The following MACROD1 variants were observed in gnomAD, a reference collection of about 807,000 sequenced individuals.
MACROD1 encodes the protein mono-ADP ribosylhydrolase 1, also known as ADP-ribose glycohydrolase MACROD1.
Under a neutral mutation model 41.4 loss-of-function variants are expected in MACROD1, and 31 were observed. That is an observed-to-expected ratio of 0.75 (90% CI 0.56 to 1.01). The LOEUF (loss-of-function observed/expected upper bound fraction) is 1.01, where lower values mean the gene tolerates loss of function less well. Among genes scored for constraint, MACROD1 ranks in the 50% least tolerant of loss-of-function variants. The probability of loss-of-function intolerance (pLI) is 0.00; values close to 1 mark genes in which losing one functional copy is unlikely to be tolerated. For missense variants in MACROD1, 473 were observed against 460.0 expected (o/e 1.03, Z -0.26); for synonymous variants, 252 against 203.4 (o/e 1.24, Z -2.03).
Position 64,081,408 on chromosome 11 carries a change from A to G in MACROD1, c.518-66127T>C, listed in dbSNP as rs60640761. Among the ~76,000 whole-genome samples the G allele has an allele frequency of 4.6e-3, 708 of 152,316 alleles. 22 individuals carry two copies. The East Asian group carries it at 0.066, about 14-fold the overall frequency. On this transcript the variant is annotated intron_variant, in intron 3 of 10. Coordinates refer to ENST00000255681, the MANE Select transcript of MACROD1 (RefSeq NM_014067.4). Reference sequence around the variant, plus strand: ...TGGGCGTGCTCAGGGACGTTACAACAGCACTGTGGTCCTGGGACCTGTCCC... The same window carrying G: ...TGGGCGTGCTCAGGGACGTTACAACGGCACTGTGGTCCTGGGACCTGTCCC...
At chr11:64,139,012 C>A (rs999024801) in intron 3 of MACROD1, among the ~76,000 whole-genome samples, 1 of 152,164 alleles carries the variant, frequency 6.6e-6, no homozygotes, top group African/African-American at 2.4e-5. Flanking sequence ...GGTGATCCAC[C>A]CACCTTGGCC....
At chr11:64,035,864 T>TGGTCCCCGCCCCGCCGCC (rs1943368575) in intron 3 of MACROD1, 1 of 145,226 alleles carries the variant, frequency 6.9e-6, no homozygotes, top group Admixed American at 6.9e-5. Context: ...GCACCGCCGC[T>TGGTCCCCGCCCCGCCGCC]GGTCCCCGCC....
intron 3 of MACROD1, among the ~76,000 whole-genome samples, chr11:64,047,897 CAA>C (rs35010371): frequency 1.5e-4 from 13 of 89,128 alleles, no homozygotes; most frequent in Admixed American, 5.0e-4. Context: ...AACTCCGTCT[CAA>C]AAAAAAAAAA....
chr11:64,060,586 A>G (rs1943880480), intron 3 of MACROD1: 1 of 152,180 alleles, frequency 6.6e-6, no homozygotes. Flanking sequence ...GTGGCCTCCC[A>G]TGCGCGCACA....
At chr11:64,116,908 C>T in intron 3 of MACROD1, 2 of 1,611,480 alleles carry the variant, frequency 1.2e-6, no homozygotes, top group Non-Finnish European at 1.7e-6. Context: ...TCCACCATCC[C>T]GCTGCATGCC....
At chr11:64,165,266 T>G (rs1002274378) in intron 1 of MACROD1, among the ~76,000 whole-genome samples, 1 of 152,196 alleles carries the variant, frequency 6.6e-6, no homozygotes, top group Non-Finnish European at 1.5e-5. Flanking sequence ...AACCACACTG[T>G]GCAAAGTTTG....
chr11:64,086,343 C>T (rs1376802169), intron 3 of MACROD1, among the ~76,000 whole-genome samples: 6 of 152,004 alleles, frequency 3.9e-5, no homozygotes, highest in African/African-American at 1.5e-4. Context: ...AGTTCTAAGA[C>T]CTGTGAATCT....
chr11:64,119,502 G>A (rs1398456268), intron 3 of MACROD1, among the ~76,000 whole-genome samples: 1 of 148,376 alleles, frequency 6.7e-6, no homozygotes, highest in Non-Finnish European at 1.5e-5. Context: ...CCTAGGACGG[G>A]TAATTAGCGC....
intron 3 of MACROD1, among the ~76,000 whole-genome samples, chr11:64,111,848 T>G (rs1239125599): frequency 6.6e-6 from 1 of 152,188 alleles, no homozygotes; most frequent in Non-Finnish European, 1.5e-5. Context: ...CAGAGCAGCC[T>G]GGGATGGCCC....
intron 3 of MACROD1, among the ~76,000 whole-genome samples, chr11:64,053,999 C>G (rs1943740277): frequency 6.6e-6 from 1 of 152,182 alleles, no homozygotes; most frequent in Non-Finnish European, 1.5e-5. Flanking sequence ...GCACTGTGAT[C>G]TAGTTGACTC....
At chr11:64,109,837 C>T (rs940122324) in intron 3 of MACROD1, among the ~76,000 whole-genome samples, 6 of 152,212 alleles carry the variant, frequency 3.9e-5, no homozygotes, top group Admixed American at 2.6e-4. Flanking sequence ...ACCTCAGCTT[C>T]ACAGAGGCTG....
chr11:64,067,715 C>T lies in MACROD1; in HGVS notation c.518-52434G>A, dbSNP rs997111148. Reference sequence around the variant, plus strand: ...CTGCCTGCAGTGATTGCGGACACGCCCCTCGCGAGGCACCGCAGGCTGCCA... The same window carrying T: ...CTGCCTGCAGTGATTGCGGACACGCTCCTCGCGAGGCACCGCAGGCTGCCA... On this transcript the variant is annotated intron_variant, in intron 3 of 10. Coordinates refer to ENST00000255681, the MANE Select transcript of MACROD1 (RefSeq NM_014067.4). The surrounding 1 kb of genome is among the most constrained non-coding windows in gnomAD (Gnocchi z 4.6). 6.6e-6 allele frequency among the ~76,000 whole-genome samples: 1 copy of T among 152,156 alleles called. No individual in the cohort carries two copies. Among genetic ancestry groups the T allele is most frequent in the Non-Finnish European group, 1.5e-5 (1 of 68,034 alleles).
chr11:64,133,027 A>T (rs1945287250), intron 3 of MACROD1, among the ~76,000 whole-genome samples: 1 of 152,112 alleles, frequency 6.6e-6, no homozygotes, highest in African/African-American at 2.4e-5. Context: ...GCTGAGGGTC[A>T]GTGAGCTGGA....
At chr11:64,059,110 G>A (rs1189702693) in intron 3 of MACROD1, among the ~76,000 whole-genome samples, 1 of 152,188 alleles carries the variant, frequency 6.6e-6, no homozygotes, top group Non-Finnish European at 1.5e-5. Context: ...GACCAGTGCT[G>A]AAAGGACGGA....
At chr11:64,136,362 C>T (rs1238299321) in intron 3 of MACROD1, among the ~76,000 whole-genome samples, 1 of 152,258 alleles carries the variant, frequency 6.6e-6, no homozygotes, top group Non-Finnish European at 1.5e-5. Flanking sequence ...CTTATGGTCT[C>T]TATAGCATAG....
chr11:64,138,410 G>T, intron 3 of MACROD1: 2 of 686,538 alleles, frequency 2.9e-6, no homozygotes, highest in Non-Finnish European at 1.8e-6. Context: ...AAGCTGCAAA[G>T]CTCTCCTCAC....
In MACROD1 at chr11:64,117,555, A is replaced by G; in HGVS notation, c.517+33684T>C. ...CCCCGACTCCAACATTGACTACCCC[A>G]TGGCCACGGGTGATGGCGCCAAGAC... On this transcript the variant is annotated intron_variant, in intron 3 of 10. Transcript: ENST00000255681. 1 of 1,605,996 alleles carries G rather than the reference A, an allele frequency of 6.2e-7. No homozygotes were observed. The highest frequency in any genetic ancestry group is 8.5e-7 in the Non-Finnish European group (1 of 1,174,716).
chr11:64,013,391 C>A (rs1454127936), intron 4 of MACROD1, among the ~76,000 whole-genome samples: 1 of 152,170 alleles, frequency 6.6e-6, no homozygotes, highest in Non-Finnish European at 1.5e-5. Flanking sequence ...ACGGAGCAGC[C>A]GCGTGGACAA....
chr11:64,131,939 G>A (rs1945272341), intron 3 of MACROD1, among the ~76,000 whole-genome samples: 1 of 152,198 alleles, frequency 6.6e-6, no homozygotes, highest in Admixed American at 6.5e-5. Flanking sequence ...GTGGCGGGAG[G>A]GAGGGGCGCA....
Sources: gnomAD v4.1 joint callset for allele counts (sites outside exome capture counted in the v4.1 genomes callset) on GRCh38, gnomAD v4.1.1 for gene constraint, Gnocchi (gnomAD v3.1) non-coding constraint, MANE v1.5 for transcripts, NCBI Gene and HGNC (gene_info 2026-07-23, HGNC 2026-07-21) for gene names.